The following LAMTOR4 variants were observed in gnomAD, a reference collection of about 807,000 sequenced individuals.
The protein encoded by LAMTOR4 is late endosomal/lysosomal adaptor, MAPK and MTOR activator 4, also known as ragulator complex protein LAMTOR4.
Under a neutral mutation model 13.5 loss-of-function variants are expected in LAMTOR4, and 11 were observed. The ratio of observed to expected loss-of-function variants is 0.82; its 90% CI spans 0.51 to 1.35. LAMTOR4 has a LOEUF of 1.35. LAMTOR4 is among the 40% of genes most tolerant of loss of function. The pLI is 0.00. For synonymous variants in LAMTOR4, 69 were observed against 52.3 expected (o/e 1.32, Z -1.38); for missense variants, 128 against 126.2 (o/e 1.01, Z -0.07).
At chr7:100,149,396 C>G (rs1407623626) in intron 1 of LAMTOR4, 103 bp from the exon 2 acceptor site, 1 of 809,186 alleles carries the variant, frequency 1.2e-6, no homozygotes, top group African/African-American at 1.7e-5. Context: ...AATGAGAAAA[C>G]CTGGGGCCAT....
Position 100,153,408 on chromosome 7 carries a change from G to C in LAMTOR4, c.93G>C (p.Gly31=), listed in dbSNP as rs780937282. Residue 31 remains glycine (G), a synonymous_variant, in exon 3 of 4, where the codon GGG becomes GGC. Transcript: ENST00000341942. ...CCTCCGTCTGCATGCAGTCATCTGG[G>C]GACCTGGAGAATGATGAGCAGGCAG... ...LSEGAVLASS[G]DLENDEQAAS... 1 of 1,609,922 alleles carries C rather than the reference G, an allele frequency of 6.2e-7. No homozygotes were observed. The highest frequency in any genetic ancestry group is 2.2e-5 in the East Asian group (1 of 44,852).
chr7:100,151,853 C>T (rs1003837945), intron 2 of LAMTOR4, among the ~76,000 whole-genome samples: 8 of 136,680 alleles, frequency 5.9e-5, no homozygotes, highest in African/African-American at 2.2e-4. Flanking sequence ...AGCACCACCA[C>T]GCCCAGCCAT....
intron 2 of LAMTOR4, among the ~76,000 whole-genome samples, chr7:100,151,724 GTC>G (rs1484978605): frequency 7.4e-5 from 11 of 148,034 alleles, no homozygotes; most frequent in African/African-American, 2.5e-4. Context: ...TTAAGATAGA[GTC>G]TCGCCGTCAC....
chr7:100,153,448 G>A lies in LAMTOR4; in HGVS notation c.133G>A (p.Glu45Lys), dbSNP rs1421489476. The change falls in exon 3 of 4, where the codon GAG becomes AAG. Residue 45 changes from glutamate (E) to lysine (K), a missense_variant. By Grantham distance (56) the Glu-to-Lys change is moderately conservative. Transcript: ENST00000341942. The stretch of plus-strand genomic sequence containing the variant: ...TGAGCAGGCAGCCAGTGCCATCTCT[G>A]AGCTGGTCAGCACAGCCTGCGGTTT... ...NDEQAASAIS[E>K]LVSTACGFRL... 2 of 1,611,030 alleles carry A rather than the reference G, an allele frequency of 1.2e-6. No homozygotes were observed. The highest frequency in any genetic ancestry group is 1.7e-5 in the Admixed American group (1 of 60,000).
At chr7:100,151,244 T>G (rs1798689725) in intron 2 of LAMTOR4, among the ~76,000 whole-genome samples, 1 of 151,080 alleles carries the variant, frequency 6.6e-6, no homozygotes, top group Non-Finnish European at 1.5e-5. Context: ...CCAGCTAATT[T>G]TTGTATTTTT....
At chr7:100,149,010 G>C (rs766037907) in intron 1 of LAMTOR4, 35 bp downstream of exon 1, 9 of 1,603,272 alleles carry the variant, frequency 5.6e-6, no homozygotes, top group Non-Finnish European at 8.5e-7. Context: ...GGACCCGCCG[G>C]GGGTTCAGCG....
intron 1 of LAMTOR4, 119 bp from the exon 2 acceptor site, chr7:100,149,380 C>T (rs980248730): frequency 8.0e-6 from 6 of 747,268 alleles, no homozygotes; most frequent in Non-Finnish European, 1.2e-5. Flanking sequence ...AGGGACCTGG[C>T]TGGGGAATGA....
At chr7:100,153,564 C>T in intron 3 of LAMTOR4, 47 bp downstream of exon 3, 2 of 1,508,182 alleles carry the variant, frequency 1.3e-6, no homozygotes, top group Non-Finnish European at 1.8e-6. Context: ...GAGCGGGGGG[C>T]TACTTCCAGG....
chr7:100,149,559 A>C lies in LAMTOR4; in HGVS notation c.64A>C (p.Ser22Arg), dbSNP rs1798636316. ...AGACCAGCTCGGCTACCTGGTACTG[A>C]GTGAAGGTGCAGTGCTGGCGGTGCG... Reference protein sequence around the residue: ...IPDQLGYLVLSEGAVLASSGD... With the variant: ...IPDQLGYLVLREGAVLASSGD... Residue 22 changes from serine to arginine, a missense_variant, in exon 2 of 4, where the codon AGT becomes CGT. Coordinates refer to ENST00000341942, the MANE Select transcript of LAMTOR4 (RefSeq NM_001008395.4). 6.2e-7 allele frequency: 1 copy of C among 1,613,730 alleles called. No individual in the cohort carries two copies.
chr7:100,153,621 C>G, intron 3 of LAMTOR4, 104 bp downstream of exon 3: 1 of 1,066,202 alleles, frequency 9.4e-7, no homozygotes, highest in Non-Finnish European at 1.4e-6. Context: ...CTCCTGGGGT[C>G]TCTGGTCTGG....
At chr7:100,151,081 T>G (rs1798684715) in intron 2 of LAMTOR4, among the ~76,000 whole-genome samples, 3 of 151,376 alleles carry the variant, frequency 2.0e-5, no homozygotes, top group Admixed American at 2.0e-4. Context: ...TTTTTTTTTG[T>G]TTTTGTTTTT....
At chr7:100,149,771 GATTT>G in intron 2 of LAMTOR4, 192 bp downstream of exon 2, 6 of 494,826 alleles carry the variant, frequency 1.2e-5, no homozygotes, top group East Asian at 6.2e-5. Flanking sequence ...TAACGGCTGC[GATTT>G]ATTTATTTAT....
chr7:100,153,916 G>C lies in LAMTOR4; in HGVS notation c.252G>C (p.Val84=). 6.3e-7 allele frequency: 1 copy of C among 1,596,144 alleles called. No individual in the cohort carries two copies. Among genetic ancestry groups the C allele is most frequent in the Non-Finnish European group, 8.5e-7 (1 of 1,172,080 alleles). The part of the protein sequence containing the change: ...TLLVTVSGQR[V]FVVKRQNRGR... The stretch of plus-strand genomic sequence containing the variant: ...TGGTGACGGTGTCAGGACAGAGGGT[G>C]TTTGTGGTGAAGAGGCAGAACCGAG... The change falls in exon 4 of 4, where the codon GTG becomes GTC. Residue 84 remains valine, a synonymous_variant. Transcript: ENST00000341942.
In LAMTOR4 at chr7:100,154,080, C is replaced by A; in HGVS notation, c.*116C>A. 1.3e-6 allele frequency: 1 copy of A among 766,494 alleles called. No homozygotes were observed. Among genetic ancestry groups the A allele is most frequent in the Non-Finnish European group, 2.2e-6 (1 of 446,642 alleles). The allele number at this position is 766,494 out of a possible 1,614,324, so 47.5% of individuals were successfully genotyped here. A position where few individuals can be genotyped will look rare whatever the true frequency, so the allele number is the denominator to read the frequency against. On this transcript the variant is annotated 3_prime_UTR_variant, in exon 4 of 4. Transcript: ENST00000341942. ...GAACTAGGGCCTTCTGCTCGCCCAC[C>A]TCCCACCCCTACCTGGACGGGCCCA...
At chr7:100,153,778 G>A (rs1384465565) in intron 3 of LAMTOR4, 89 bp from the exon 4 acceptor site, 1 of 934,986 alleles carries the variant, frequency 1.1e-6, no homozygotes, top group South Asian at 1.4e-5. Context: ...CAATGTGCGT[G>A]TGGCCCCGCC....
intron 2 of LAMTOR4, among the ~76,000 whole-genome samples, chr7:100,151,897 C>T (rs1055501491): frequency 1.1e-4 from 16 of 151,646 alleles, no homozygotes; most frequent in Non-Finnish European, 1.8e-4. Context: ...GAGACAGGGG[C>T]CTTGCTATGT....
intron 2 of LAMTOR4, among the ~76,000 whole-genome samples, chr7:100,153,058 G>A (rs1293999326): frequency 6.6e-6 from 1 of 151,892 alleles, no homozygotes; most frequent in East Asian, 1.9e-4. Flanking sequence ...TATTTGGGAG[G>A]CTGAGGCAGG....
chr7:100,150,579 C>T (rs1021078289), intron 2 of LAMTOR4, among the ~76,000 whole-genome samples: 1 of 152,144 alleles, frequency 6.6e-6, no homozygotes, highest in African/African-American at 2.4e-5. Flanking sequence ...TGAACTTATT[C>T]TTGAAGGTAA....
At chr7:100,149,632 C>T (rs1190012855) in intron 2 of LAMTOR4, 53 bp downstream of exon 2, 1 of 1,343,480 alleles carries the variant, frequency 7.4e-7, no homozygotes, top group South Asian at 1.2e-5. Flanking sequence ...CCGGTAACCC[C>T]TTCTAATATT....
Sources: gnomAD v4.1 joint callset for allele counts (sites outside exome capture counted in the v4.1 genomes callset) on GRCh38, gnomAD v4.1.1 for gene constraint, MANE v1.5 for transcripts, NCBI Gene and HGNC (gene_info 2026-07-23, HGNC 2026-07-21) for gene names.